Variants in AGBL1 observed in about 807,000 individuals in gnomAD.
The protein encoded by AGBL1 is cytosolic carboxypeptidase 4.
AGBL1 carries 130 observed loss-of-function variants against 118.9 expected under a neutral mutation model. That is an observed-to-expected ratio of 1.09 (90% CI 0.95 to 1.26). The LOEUF is 1.26. Among genes scored for constraint, AGBL1 ranks in the 50% most tolerant of loss-of-function variants. AGBL1 has a pLI of 0.00. For synonymous variants in AGBL1, 555 were observed against 478.9 expected (o/e 1.16, Z -2.08); for missense variants, 1,584 against 1,298.1 (o/e 1.22, Z -3.38).
chr15:86,092,813 C>T (rs544218781), intron 1 of AGBL1, among the ~76,000 whole-genome samples: 7 of 152,116 alleles, frequency 4.6e-5, no homozygotes, highest in South Asian at 4.1e-4. Flanking sequence ...GGGTCAAATT[C>T]CTCCTTTTCT....
intron 22 of AGBL1, among the ~76,000 whole-genome samples, chr15:86,732,193 A>G (rs746255315): frequency 6.6e-6 from 1 of 152,238 alleles, no homozygotes; most frequent in Non-Finnish European, 1.5e-5. Flanking sequence ...AATAAACTTA[A>G]TTTATTCTTT....
chr15:86,355,416 T>C (rs1377002126), intron 17 of AGBL1, among the ~76,000 whole-genome samples: 3 of 152,314 alleles, frequency 2.0e-5, no homozygotes. Context: ...GGAAGCATGA[T>C]GCATTTTGAT....
chr15:86,969,510 T>C (rs910945625), intron 23 of AGBL1, among the ~76,000 whole-genome samples: 2 of 152,024 alleles, frequency 1.3e-5, no homozygotes, highest in Non-Finnish European at 2.9e-5. Context: ...TTCACCTTTA[T>C]GTATGCACAT....
chr15:86,545,916 G>A, intron 19 of AGBL1, 86 bp from the exon 20 acceptor site: 2 of 1,471,850 alleles, frequency 1.4e-6, no homozygotes, highest in African/African-American at 1.4e-5. Context: ...TTTGAGCCAT[G>A]GAACATGAGT....
chr15:86,276,352 C>T (rs62013838), intron 15 of AGBL1, among the ~76,000 whole-genome samples: 18 of 152,248 alleles, frequency 1.2e-4, no homozygotes, highest in Non-Finnish European at 2.6e-4. Flanking sequence ...ATCCTGTTTA[C>T]TATACTTGTT....
At chr15:86,120,258 A>G (rs1326793806) in intron 1 of AGBL1, among the ~76,000 whole-genome samples, 1 of 152,160 alleles carries the variant, frequency 6.6e-6, no homozygotes, top group East Asian at 1.9e-4. Flanking sequence ...TATTGGCTTT[A>G]AGGCAAAGTT....
intron 18 of AGBL1, among the ~76,000 whole-genome samples, chr15:86,455,169 G>C (rs942306445): frequency 1.3e-5 from 2 of 152,180 alleles, no homozygotes; most frequent in Admixed American, 6.5e-5. Flanking sequence ...TTATTGATTT[G>C]TTGAAATACC....
At chr15:86,892,368 T>C (rs2080063863) in intron 22 of AGBL1, among the ~76,000 whole-genome samples, 1 of 152,092 alleles carries the variant, frequency 6.6e-6, no homozygotes, top group Admixed American at 6.6e-5. Context: ...TGTAACAGAG[T>C]TCATGACTTC....
intron 22 of AGBL1, among the ~76,000 whole-genome samples, chr15:86,740,129 C>T (rs1035156819): frequency 6.6e-6 from 1 of 152,142 alleles, no homozygotes; most frequent in Non-Finnish European, 1.5e-5. Flanking sequence ...AATAGAAGCC[C>T]AGCAAGTACA....
chr15:86,758,703 G>A (rs922703975), intron 22 of AGBL1, among the ~76,000 whole-genome samples: 2 of 151,952 alleles, frequency 1.3e-5, no homozygotes, highest in African/African-American at 4.8e-5. Context: ...CAGTTGTGGT[G>A]GCTCGTACCC....
chr15:86,940,903 G>A (rs2080743330), intron 23 of AGBL1, among the ~76,000 whole-genome samples: 1 of 152,118 alleles, frequency 6.6e-6, no homozygotes, highest in Non-Finnish European at 1.5e-5. Context: ...GCTTTCTTCA[G>A]CCCTGCTCTG....
intron 22 of AGBL1, among the ~76,000 whole-genome samples, chr15:86,677,624 A>G (rs2085872046): frequency 6.6e-6 from 1 of 152,104 alleles, no homozygotes; most frequent in Non-Finnish European, 1.5e-5. Context: ...CCCTCACTTA[A>G]TAACAAGAGA....
At chr15:86,547,737 T>C (rs114373597) in intron 20 of AGBL1, among the ~76,000 whole-genome samples, 1 of 152,266 alleles carries the variant, frequency 6.6e-6, no homozygotes, top group African/African-American at 2.4e-5. Context: ...ATAAGGTTCT[T>C]TAACTGTGAG....
At chr15:86,827,685 C>T (rs1305522495) in intron 22 of AGBL1, among the ~76,000 whole-genome samples, 1 of 145,098 alleles carries the variant, frequency 6.9e-6, no homozygotes, top group African/African-American at 2.5e-5. Flanking sequence ...CTAAGATACA[C>T]ATCAGAGGCA....
intron 21 of AGBL1, among the ~76,000 whole-genome samples, chr15:86,574,318 T>C (rs572766150): frequency 6.6e-6 from 1 of 152,258 alleles, no homozygotes; most frequent in African/African-American, 2.4e-5. Context: ...CAGCCACTCA[T>C]CCAAGTCCAG....
intron 22 of AGBL1, among the ~76,000 whole-genome samples, chr15:86,763,883 T>C (rs1596460468): frequency 6.6e-6 from 1 of 152,066 alleles, no homozygotes; most frequent in Non-Finnish European, 1.5e-5. Context: ...TAGTTGAGCT[T>C]ATTGTAAAGA....
At chr15:86,347,630 T>C (rs1001019069) in intron 17 of AGBL1, among the ~76,000 whole-genome samples, 19 of 152,278 alleles carry the variant, frequency 1.2e-4, no homozygotes, top group Non-Finnish European at 2.4e-4. Flanking sequence ...CTGAAGATGT[T>C]GCATGTATAT....
chr15:86,442,792 G>C lies in AGBL1; in HGVS notation c.2555+45246G>C, dbSNP rs575436715. 2.0e-5 allele frequency among the ~76,000 whole-genome samples: 3 copies of C among 152,322 alleles called. No individual in the cohort carries two copies. In the South Asian group the frequency reaches 6.2e-4, roughly 32 times the overall value. ...ATAGGCATCCTGGCCTCCATTCTCA[G>C]GGCTGAAGTGTTTTGGGGAAAATGT... On this transcript the variant is annotated intron_variant, in intron 18 of 22. Transcript: ENST00000614907.
chr15:86,561,293 C>G (rs1263508886), intron 21 of AGBL1, among the ~76,000 whole-genome samples: 3 of 152,276 alleles, frequency 2.0e-5, no homozygotes, highest in East Asian at 1.9e-4. Context: ...GGCTTTAGGT[C>G]TAACATTTAA....
Sources: allele counts gnomAD v4.1 joint callset (sites outside exome capture counted in the v4.1 genomes callset), GRCh38; gene constraint gnomAD v4.1.1; transcripts MANE v1.5; gene names NCBI Gene and HGNC (gene_info 2026-07-23, HGNC 2026-07-21).